MARCHF6: variants seen among roughly 807,000 people sequenced by gnomAD.
MARCHF6 encodes E3 ubiquitin-protein ligase MARCHF6.
MARCHF6 carries 31 observed loss-of-function variants against 133.7 expected under a neutral mutation model. That is an observed-to-expected ratio of 0.23 (90% CI 0.17 to 0.31). MARCHF6 has a LOEUF of 0.31. Ranked by LOEUF, MARCHF6 falls within the 10% of genes least tolerant of loss-of-function variation. MARCHF6 has a pLI of 1.00. For missense variants in MARCHF6, 723 were observed against 1,121.6 expected (o/e 0.64, Z 5.08); for synonymous variants, 395 against 402.5 (o/e 0.98, Z 0.22).
intron 14 of MARCHF6, among the ~76,000 whole-genome samples, chr5:10,402,974 T>C (rs1738635306): frequency 6.6e-6 from 1 of 152,220 alleles, no homozygotes; most frequent in Non-Finnish European, 1.5e-5. Context: ...ATTTAACTAA[T>C]ATGCTCAGTC....
intron 25 of MARCHF6, among the ~76,000 whole-genome samples, chr5:10,433,261 A>T (rs141837872): frequency 1.5e-3 from 224 of 152,320 alleles, no homozygotes; most frequent in African/African-American, 5.2e-3. Context: ...GTTTTATAAA[A>T]TCTGAACCTT....
At chr5:10,419,266 TGA>T (rs1739701795) in intron 22 of MARCHF6, among the ~76,000 whole-genome samples, 1 of 152,148 alleles carries the variant, frequency 6.6e-6, no homozygotes, top group African/African-American at 2.4e-5. Flanking sequence ...GTAAATTGCA[TGA>T]GATAGTCACT....
At chr5:10,362,844 TTGTC>T (rs1240780518) in intron 1 of MARCHF6, among the ~76,000 whole-genome samples, 13 of 152,198 alleles carry the variant, frequency 8.5e-5, no homozygotes, top group Non-Finnish European at 1.6e-4. Context: ...TAAAATCCAT[TTGTC>T]TGGTAGTGTA....
chr5:10,428,012 C>T (rs1473634540), intron 24 of MARCHF6, among the ~76,000 whole-genome samples: 1 of 152,092 alleles, frequency 6.6e-6, no homozygotes, highest in Non-Finnish European at 1.5e-5. Flanking sequence ...CAGGGCTAAC[C>T]TCAGGTTGTG....
rs552260771 is a variant in MARCHF6 at position 10,402,459 on chromosome 5, C to T, written c.1122+7C>T. ...CTGCTATATTGTTGTTAAGGTAATT[C>T]CTGTTATAACTTAAAATTGGAAATG... On this transcript the variant is annotated splice_region_variant and intron_variant, in intron 13 of 25. Transcript: ENST00000274140. The T allele has an allele frequency of 2.5e-6, 4 of 1,613,444 alleles. No individual in the cohort carries two copies. In the East Asian group the frequency reaches 8.9e-5, roughly 36 times the overall value.
intron 3 of MARCHF6, among the ~76,000 whole-genome samples, chr5:10,379,954 T>G (rs2126698760): frequency 6.6e-6 from 1 of 152,270 alleles, no homozygotes; most frequent in Non-Finnish European, 1.5e-5. Flanking sequence ...ACTTTTAAGG[T>G]CAATATTTCA....
intron 5 of MARCHF6, among the ~76,000 whole-genome samples, chr5:10,389,541 T>TA (rs1308430148): frequency 1.3e-5 from 2 of 152,126 alleles, no homozygotes; most frequent in Non-Finnish European, 2.9e-5. Context: ...TAGCTGGAAT[T>TA]ATAGGTGCAC....
intron 1 of MARCHF6, among the ~76,000 whole-genome samples, chr5:10,371,872 T>G (rs1736489570): frequency 6.6e-6 from 1 of 152,132 alleles, no homozygotes; most frequent in African/African-American, 2.4e-5. Flanking sequence ...CTGGCTGGCA[T>G]CTATAATCCC....
Position 10,353,780 on chromosome 5 carries a change from C to T in MARCHF6, c.-119C>T. On this transcript the variant is annotated 5_prime_UTR_variant, in exon 1 of 26. Transcript: ENST00000274140. Reference sequence around the variant, plus strand: ...TCCCCTCTCCTTCCTCTCGCTTCCTCTCTCGCACCTGAGCGTACGCACCTG... The same window carrying T: ...TCCCCTCTCCTTCCTCTCGCTTCCTTTCTCGCACCTGAGCGTACGCACCTG... 1 of 845,556 alleles carries T rather than the reference C, an allele frequency of 1.2e-6. No homozygotes were observed. Among genetic ancestry groups the T allele is most frequent in the Non-Finnish European group, 1.9e-6 (1 of 539,840 alleles). 52.4% of individuals were successfully genotyped at this position (845,556 alleles called of 1,614,324 possible).
At chr5:10,421,661 C>A (rs747396660) in intron 22 of MARCHF6, among the ~76,000 whole-genome samples, 1 of 152,188 alleles carries the variant, frequency 6.6e-6, no homozygotes, top group Non-Finnish European at 1.5e-5. Context: ...TGATCTTGGA[C>A]CTCCTTGGGT....
intron 19 of MARCHF6, chr5:10,413,491 A>T (rs1429712960): frequency 1.3e-5 from 2 of 152,228 alleles, no homozygotes; most frequent in African/African-American, 4.8e-5. Flanking sequence ...CTTTCTGCTC[A>T]GGGAAACTGG....
At chr5:10,380,675 C>G (rs377470604) in intron 3 of MARCHF6, among the ~76,000 whole-genome samples, 1 of 152,122 alleles carries the variant, frequency 6.6e-6, no homozygotes, top group African/African-American at 2.4e-5. Flanking sequence ...CCTGTAATTC[C>G]AGCACTTTGA....
At chr5:10,372,506 T>C (rs2607292) in intron 1 of MARCHF6, among the ~76,000 whole-genome samples, 118,531 of 151,520 alleles carry the variant, frequency 0.78, 47,948 homozygotes, top group Non-Finnish European at 0.9. Context: ...AATAATATGT[T>C]AGAATTCCCT....
At chr5:10,402,274 C>CA (rs1738587065) in intron 12 of MARCHF6, 110 bp from the exon 13 acceptor site, 3 of 1,194,062 alleles carry the variant, frequency 2.5e-6, no homozygotes, top group African/African-American at 3.0e-5. Flanking sequence ...TCAGTGTGGA[C>CA]AAAATGTGAA....
intron 1 of MARCHF6, among the ~76,000 whole-genome samples, chr5:10,358,029 G>A (rs1305954879): frequency 1.4e-5 from 2 of 147,620 alleles, no homozygotes; most frequent in African/African-American, 5.0e-5. Context: ...GTGCAGTGGC[G>A]CGATCTTGGC....
chr5:10,394,452 A>G (rs537062023), intron 8 of MARCHF6, among the ~76,000 whole-genome samples: 18 of 152,342 alleles, frequency 1.2e-4, no homozygotes, highest in African/African-American at 4.1e-4. Context: ...ACAAAATAAT[A>G]CAGTTTTATT....
At chr5:10,393,986 A>C (rs529932107) in intron 7 of MARCHF6, 96 bp from the exon 8 acceptor site, 1 of 611,962 alleles carries the variant, frequency 1.6e-6, no homozygotes, top group Non-Finnish European at 2.6e-6. Flanking sequence ...AACAGCTTAC[A>C]AAGTACTAAA....
intron 9 of MARCHF6, 120 bp from the exon 10 acceptor site, chr5:10,397,173 G>A: frequency 1.6e-6 from 1 of 636,336 alleles, no homozygotes; most frequent in Non-Finnish European, 2.6e-6. Context: ...AAACAATAGA[G>A]GGAAAATTTC....
intron 1 of MARCHF6, among the ~76,000 whole-genome samples, chr5:10,367,740 A>G (rs74661932): frequency 0.05 from 7,677 of 152,184 alleles, 661 homozygotes; most frequent in African/African-American, 0.17. Flanking sequence ...CAAGAATTTG[A>G]AAAATTACTA....
Sources: gnomAD v4.1 joint callset for allele counts (sites outside exome capture counted in the v4.1 genomes callset) on GRCh38, gnomAD v4.1.1 for gene constraint, MANE v1.5 for transcripts, NCBI Gene and HGNC (gene_info 2026-07-23, HGNC 2026-07-21) for gene names.